The following TRMT11 variants were observed in gnomAD, a reference collection of about 807,000 sequenced individuals.
TRMT11 encodes the protein tRNA (guanine(10)-N(2))-methyltransferase TRMT11.
In TRMT11, 53 loss-of-function variants were observed where a neutral mutation model predicts 62.8. That is an observed-to-expected ratio of 0.84 (90% CI 0.68 to 1.06). TRMT11 has a LOEUF of 1.06. TRMT11 is among the 50% of genes least tolerant of loss of function. TRMT11 has a pLI of 0.00. For missense variants in TRMT11, 556 were observed against 553.4 expected (o/e 1.00, Z -0.05); for synonymous variants, 188 against 190.3 (o/e 0.99, Z 0.10).
rs111969223 is a variant in TRMT11 at position 125,992,359 on chromosome 6, G to A, written c.73-1398G>A. On this transcript the variant is annotated intron_variant, in intron 1 of 12. Transcript: ENST00000334379. ...TGTTTTAACTTGGTTATAGTTGGATGTTTTAAATGTAAAACTGACTTTACA... is the reference window on the plus strand; with the variant it reads ...TGTTTTAACTTGGTTATAGTTGGATATTTTAAATGTAAAACTGACTTTACA... Among the ~76,000 whole-genome samples, 1,344 of 152,282 alleles carry A rather than the reference G, an allele frequency of 8.8e-3. 22 individuals carry two copies. The highest frequency in any genetic ancestry group is 0.031 in the African/African-American group (1,298 of 41,548).
At chr6:126,148,758 G>A (rs374785970) in intron 21 of TRMT11, among the ~76,000 whole-genome samples, 1 of 152,210 alleles carries the variant, frequency 6.6e-6, no homozygotes, top group Non-Finnish European at 1.5e-5. Context: ...ATTGATAATA[G>A]TGAATATTTT....
chr6:126,101,287 G>T (rs1777397240), intron 17 of TRMT11, among the ~76,000 whole-genome samples: 2 of 152,074 alleles, frequency 1.3e-5, no homozygotes, highest in Non-Finnish European at 2.9e-5. Context: ...ACAAGAAATT[G>T]TTTACTACAA....
the TRMT11 span, among the ~76,000 whole-genome samples, chr6:126,221,994 G>A: frequency 8.5e-5 from 13 of 152,250 alleles, no homozygotes; most frequent in East Asian, 1.9e-4. Context: ...TGTAAAAGGC[G>A]AAAGGAAAGG....
At chr6:126,193,943 A>G (rs983578198) in intron 1 of TRMT11, among the ~76,000 whole-genome samples, 1 of 152,190 alleles carries the variant, frequency 6.6e-6, no homozygotes, top group Non-Finnish European at 1.5e-5. Flanking sequence ...TTAGATGTTC[A>G]GGAACATGTT....
chr6:126,167,364 G>A (rs979081798), intron 21 of TRMT11, among the ~76,000 whole-genome samples: 2 of 152,172 alleles, frequency 1.3e-5, no homozygotes. Flanking sequence ...TTGGCTAGGG[G>A]AGGAAGTTCT....
At chr6:126,030,093 A>G (rs1003965009) in intron 12 of TRMT11, among the ~76,000 whole-genome samples, 2 of 152,326 alleles carry the variant, frequency 1.3e-5, no homozygotes, top group Non-Finnish European at 2.9e-5. Flanking sequence ...AAGATTTCCA[A>G]TGGTACCTTG....
chr6:126,060,481 G>A (rs149483274), intron 17 of TRMT11, among the ~76,000 whole-genome samples: 54 of 152,316 alleles, frequency 3.5e-4, no homozygotes, highest in African/African-American at 1.2e-3. Flanking sequence ...AACTCAGACC[G>A]AGTGTAGTCT....
rs550868080 is a variant in TRMT11 at position 126,168,798 on chromosome 6, C to T, written c.*1824-6027C>T. Among the ~76,000 whole-genome samples the T allele has an allele frequency of 3.8e-4, 58 of 152,208 alleles. 1 individual carries two copies. Among genetic ancestry groups the T allele is most frequent in the Non-Finnish European group, 5.0e-4 (34 of 67,992 alleles). ...TCCCAAAGTGCTGGGATTACAGGTGCGAGCCACCATGCCCTGCCATGAAAA... is the reference window on the plus strand; with the variant it reads ...TCCCAAAGTGCTGGGATTACAGGTGTGAGCCACCATGCCCTGCCATGAAAA... On this transcript the variant is annotated intron_variant and NMD_transcript_variant, in intron 21 of 22. Transcript: ENST00000648977.
intron 17 of TRMT11, among the ~76,000 whole-genome samples, chr6:126,080,562 A>G (rs958441349): frequency 6.6e-6 from 1 of 152,138 alleles, no homozygotes; most frequent in Non-Finnish European, 1.5e-5. Flanking sequence ...GCGAGTAAAT[A>G]CTATAAATCT....
At chr6:126,097,278 A>G (rs941267463) in intron 17 of TRMT11, among the ~76,000 whole-genome samples, 3 of 152,308 alleles carry the variant, frequency 2.0e-5, no homozygotes, top group South Asian at 2.1e-4. Flanking sequence ...CACTCTGTTT[A>G]TCAGCATTGT....
At chr6:125,995,670 A>C (rs1404520748) in intron 2 of TRMT11, among the ~76,000 whole-genome samples, 1 of 152,228 alleles carries the variant, frequency 6.6e-6, no homozygotes, top group Non-Finnish European at 1.5e-5. Context: ...TCAAGATTAT[A>C]CTTTGGGATA....
chr6:126,184,980 T>C (rs933610285), intron 1 of TRMT11, among the ~76,000 whole-genome samples: 6 of 152,170 alleles, frequency 3.9e-5, no homozygotes, highest in East Asian at 1.9e-4. Flanking sequence ...TAAACAACTT[T>C]AAGTATATGT....
At chr6:126,174,206 G>A (rs932629162), upstream of TRMT11, among the ~76,000 whole-genome samples, 1 of 152,160 alleles carries the variant, frequency 6.6e-6, no homozygotes, top group East Asian at 1.9e-4. Context: ...AGGTGTAGCT[G>A]CAAGCATTCT....
intron 12 of TRMT11, among the ~76,000 whole-genome samples, chr6:126,027,101 C>T (rs948496576): frequency 3.9e-5 from 6 of 152,142 alleles, no homozygotes; most frequent in Non-Finnish European, 8.8e-5. Context: ...CCACCGCGCC[C>T]GGCCGTTTGT....
chr6:126,179,478 C>T (rs1024318078), intron 1 of TRMT11, among the ~76,000 whole-genome samples: 1 of 152,156 alleles, frequency 6.6e-6, no homozygotes, highest in East Asian at 1.9e-4. Flanking sequence ...ATCCTGTCCT[C>T]TTTTTAGAAA....
At chr6:126,043,445 G>T (rs1256700115), downstream of TRMT11, among the ~76,000 whole-genome samples, 1 of 150,874 alleles carries the variant, frequency 6.6e-6, no homozygotes, top group African/African-American at 2.4e-5. Flanking sequence ...TCTTAGTCCA[G>T]TCTATCATTG....
At chr6:126,232,902 G>A in the TRMT11 span, among the ~76,000 whole-genome samples, 3 of 152,072 alleles carry the variant, frequency 2.0e-5, no homozygotes, top group Non-Finnish European at 4.4e-5. Context: ...GTCATGTGGC[G>A]CTGGCTAAAA....
At chr6:126,242,490 A>G in the TRMT11 span, among the ~76,000 whole-genome samples, 17 of 152,242 alleles carry the variant, frequency 1.1e-4, 1 homozygote, top group African/African-American at 4.1e-4. Context: ...ATCCTAAGCC[A>G]AAAGAACAAA....
At chr6:126,178,674 A>G (rs1325663807) in intron 1 of TRMT11, among the ~76,000 whole-genome samples, 1 of 152,180 alleles carries the variant, frequency 6.6e-6, no homozygotes, top group South Asian at 2.1e-4. Flanking sequence ...TAGGGTCACC[A>G]TGTAGAAAAA....
Sources: allele counts gnomAD v4.1 joint callset (sites outside exome capture counted in the v4.1 genomes callset), GRCh38; gene constraint gnomAD v4.1.1; transcripts MANE v1.5; gene names NCBI Gene and HGNC (gene_info 2026-07-23, HGNC 2026-07-21).